The following DSE variants were observed in gnomAD, a reference collection of about 807,000 sequenced individuals.
DSE encodes the protein dermatan sulfate epimerase.
In DSE, 36 loss-of-function variants were observed where a neutral mutation model predicts 84.4. That is an observed-to-expected ratio of 0.43 (90% CI 0.33 to 0.56). The LOEUF is 0.56. DSE is among the 20% of genes least tolerant of loss of function. The probability of loss-of-function intolerance (pLI) is 0.06; values close to 1 mark genes in which losing one functional copy is unlikely to be tolerated. For missense variants in DSE, 862 were observed against 1,169.6 expected (o/e 0.74, Z 3.84); for synonymous variants, 410 against 430.1 (o/e 0.95, Z 0.58).
intron 2 of DSE, among the ~76,000 whole-genome samples, chr6:116,261,023 T>C (rs1772391210): frequency 6.6e-6 from 1 of 152,220 alleles, no homozygotes; most frequent in Admixed American, 6.5e-5. Flanking sequence ...GTGAAGAATG[T>C]CAATGGTAGT....
At position 116,443,830 on chromosome 6, in the gene DSE, A is replaced by G. The variant is rs1784500359; in HGVS notation, c.*6485A>G. ...TTTTCTGAACAAAAAAACGTTTTCA[A>G]TGGTCTAGGCACTTCCTTTTTCTTC... On this transcript the variant is annotated 3_prime_UTR_variant, in exon 6 of 6. Transcript: ENST00000644252. The G allele has an allele frequency of 1.3e-5, 2 of 152,198 alleles. No homozygotes were observed. Among genetic ancestry groups the G allele is most frequent in the Admixed American group, 1.3e-4 (2 of 15,284 alleles). The allele number at this position is 152,198 out of a possible 1,614,324, so 9.4% of individuals were successfully genotyped here.
intron 2 of DSE, among the ~76,000 whole-genome samples, chr6:116,419,462 T>C (rs987386211): frequency 3.9e-5 from 6 of 152,262 alleles, no homozygotes; most frequent in African/African-American, 1.4e-4. Flanking sequence ...TTAAATGGTT[T>C]TCTATCAAGT....
intron 2 of DSE, among the ~76,000 whole-genome samples, chr6:116,308,685 G>T (rs1317920291): frequency 6.6e-6 from 1 of 151,590 alleles, no homozygotes; most frequent in Non-Finnish European, 1.5e-5. Flanking sequence ...TTGTTTTTTG[G>T]GGTTTTTTTT....
intron 2 of DSE, among the ~76,000 whole-genome samples, chr6:116,421,463 A>ATTTTTT (rs71012335): frequency 1.3e-4 from 8 of 61,346 alleles, no homozygotes; most frequent in Admixed American, 4.8e-4. Flanking sequence ...ATATATATAT[A>ATTTTTT]TTTTTTTTTT....
intron 2 of DSE, among the ~76,000 whole-genome samples, chr6:116,364,504 G>GT (rs2114889243): frequency 6.6e-6 from 1 of 152,372 alleles, no homozygotes; most frequent in African/African-American, 2.4e-5. Context: ...GGCCTGAGCA[G>GT]AAGGAGAAGT....
chr6:116,321,285 T>TC (rs1776293376), intron 2 of DSE, among the ~76,000 whole-genome samples: 3 of 152,284 alleles, frequency 2.0e-5, no homozygotes, highest in Admixed American at 1.3e-4. Context: ...GTGATCCTCC[T>TC]CTTGAGTAGC....
chr6:116,425,046 A>G (rs977522228), intron 2 of DSE, among the ~76,000 whole-genome samples: 2 of 152,200 alleles, frequency 1.3e-5, no homozygotes, highest in Non-Finnish European at 2.9e-5. Context: ...GGTATCACAG[A>G]TATTTTCATT....
At chr6:116,278,509 G>A in intron 2 of DSE, 1 of 1,613,836 alleles carries the variant, frequency 6.2e-7, no homozygotes, top group South Asian at 1.1e-5. Context: ...TATTCCCAAG[G>A]GCAAATGTTA....
intron 1 of DSE, among the ~76,000 whole-genome samples, chr6:116,376,279 C>T (rs935281191): frequency 3.3e-5 from 5 of 152,212 alleles, no homozygotes; most frequent in African/African-American, 1.2e-4. Flanking sequence ...GCCGATTGCT[C>T]AGTTCTCATT....
At chr6:116,280,957 T>C (rs150393482) in intron 2 of DSE, among the ~76,000 whole-genome samples, 75 of 152,380 alleles carry the variant, frequency 4.9e-4, no homozygotes, top group Non-Finnish European at 1.0e-3. Flanking sequence ...AGTAGCCTGA[T>C]GGCCCTCAAA....
intron 2 of DSE, among the ~76,000 whole-genome samples, chr6:116,324,008 A>C (rs1776478714): frequency 6.6e-6 from 1 of 152,128 alleles, no homozygotes; most frequent in South Asian, 2.1e-4. Flanking sequence ...ACAACTCATT[A>C]ACAACCCTCA....
Position 116,437,294 on chromosome 6 carries a change from T to C in DSE, c.2826T>C (p.Asp942=). The part of the protein sequence containing the change: ...QRCLYAVLLI[D]SCILLWLYSS... ...GTCTTTATGCAGTTCTTCTCATAGATAGCTGTATTTTATTATGGTTGTACT... is the reference window on the plus strand; with the variant it reads ...GTCTTTATGCAGTTCTTCTCATAGACAGCTGTATTTTATTATGGTTGTACT... The change falls in exon 6 of 6, where the codon GAT becomes GAC. Residue 942 remains aspartate (D), a synonymous_variant. Coordinates refer to ENST00000644252, the MANE Select transcript of DSE (RefSeq NM_013352.4). 6.2e-7 allele frequency: 1 copy of C among 1,613,962 alleles called. No homozygotes were observed. The highest frequency in any genetic ancestry group is 1.1e-5 in the South Asian group (1 of 91,054).
At chr6:116,268,447 A>G (rs902728809) in intron 2 of DSE, among the ~76,000 whole-genome samples, 1 of 152,252 alleles carries the variant, frequency 6.6e-6, no homozygotes, top group African/African-American at 2.4e-5. Context: ...CACATTTCTC[A>G]GAATGTCTCA....
At chr6:116,426,048 A>AT (rs755176186) in intron 2 of DSE, among the ~76,000 whole-genome samples, 14 of 152,260 alleles carry the variant, frequency 9.2e-5, no homozygotes, top group Non-Finnish European at 1.8e-4. Context: ...CACCATGGTG[A>AT]TGACCAAGTG....
intron 1 of DSE, among the ~76,000 whole-genome samples, chr6:116,397,744 G>A (rs1781353452): frequency 6.6e-6 from 1 of 152,178 alleles, no homozygotes; most frequent in Non-Finnish European, 1.5e-5. Flanking sequence ...TATTTCATAT[G>A]TTTTATTTAG....
chr6:116,258,221 G>A (rs926070503), intron 1 of DSE, among the ~76,000 whole-genome samples: 3 of 151,474 alleles, frequency 2.0e-5, no homozygotes, highest in Admixed American at 6.6e-5. Flanking sequence ...TCACCATATT[G>A]GCCAGGCTGG....
chr6:116,393,600 G>C (rs1401137253), intron 1 of DSE, among the ~76,000 whole-genome samples: 1 of 152,192 alleles, frequency 6.6e-6, no homozygotes, highest in Admixed American at 6.5e-5. Flanking sequence ...TCATTTTGTG[G>C]ATGACAGAAG....
intron 2 of DSE, chr6:116,277,190 AT>A (rs1363228824): frequency 1.3e-5 from 2 of 152,682 alleles, no homozygotes; most frequent in Admixed American, 1.3e-4. Flanking sequence ...AATCTTCCAC[AT>A]AAATTAGGTC....
intron 2 of DSE, among the ~76,000 whole-genome samples, chr6:116,348,243 C>A (rs1433355600): frequency 6.6e-6 from 1 of 151,954 alleles, no homozygotes; most frequent in African/African-American, 2.4e-5. Flanking sequence ...CTGGCTAACA[C>A]GGTGAAACCC....
Sources: allele counts gnomAD v4.1 joint callset (sites outside exome capture counted in the v4.1 genomes callset), GRCh38; gene constraint gnomAD v4.1.1; transcripts MANE v1.5; gene names NCBI Gene and HGNC (gene_info 2026-07-23, HGNC 2026-07-21).